Variants in STAM2 observed in about 807,000 individuals in gnomAD.
STAM2 encodes the protein signal transducing adapter molecule 2.
A neutral mutation model predicts 65.6 loss-of-function variants in STAM2; 51 were observed. The observed-to-expected ratio is 0.78, with a 90% CI of 0.62 to 0.98. The LOEUF (loss-of-function observed/expected upper bound fraction) is 0.98. Among genes scored for constraint, STAM2 ranks in the 50% least tolerant of loss-of-function variants. The pLI is 0.00. For synonymous variants in STAM2, 198 were observed against 208.4 expected, an observed-to-expected ratio of 0.95 and a Z score of 0.43; for missense variants, 584 against 617.8, an observed-to-expected ratio of 0.95 and a Z score of 0.58.
chr2:152,173,446 G>C (rs1249348797), intron 1 of STAM2, among the ~76,000 whole-genome samples: 2 of 149,160 alleles, frequency 1.3e-5, no homozygotes, highest in Non-Finnish European at 3.0e-5. Context: ...CGCCAGGCTG[G>C]AGGGCAGTGG....
chr2:152,134,574 T>C (rs529568240), intron 8 of STAM2, among the ~76,000 whole-genome samples: 1 of 152,304 alleles, frequency 6.6e-6, no homozygotes, highest in East Asian at 1.9e-4. Context: ...TCTCCTGAAC[T>C]GGCAAGGACT....
chr2:152,133,405 A>G lies in STAM2; in HGVS notation c.879T>C (p.Asp293=), dbSNP rs777736795. The part of the protein sequence containing the change: ...KKSEPEPVYI[D]EDKMDRALQV... ...TTAAACAAAAGAGGGACCCTACCTC[A>G]TCTATATAAACAGGCTCAGGCTCTG... The change falls in exon 9 of 14, where the codon GAT becomes GAC. Residue 293 remains aspartate (D), a synonymous_variant. Transcript: ENST00000263904. 5 of 1,610,964 alleles carry G rather than the reference A, an allele frequency of 3.1e-6. No homozygotes were observed. The highest frequency in any genetic ancestry group is 4.2e-6 in the Non-Finnish European group (5 of 1,178,162).
rs943882357 is a variant in STAM2 at position 152,118,269 on chromosome 2, C to T, written c.*2305G>A. 1 of 151,882 alleles carries T rather than the reference C, an allele frequency of 6.6e-6. No individual in the cohort carries two copies. Among genetic ancestry groups the T allele is most frequent in the Non-Finnish European group, 1.5e-5 (1 of 67,908 alleles). The allele number at this position is 151,882 out of a possible 1,614,324, so 9.4% of individuals were successfully genotyped here. A position where few individuals can be genotyped will look rare whatever the true frequency, so the allele number is the denominator to read the frequency against. ...ATAAGCCCATAAAAAGGGAAGTACA[C>T]AACCCTGTGTTTCTTAACACCGAAA... On this transcript the variant is annotated 3_prime_UTR_variant, in exon 14 of 14. Transcript: ENST00000263904.
intron 2 of STAM2, among the ~76,000 whole-genome samples, chr2:152,149,199 T>G (rs913340139): frequency 1.1e-4 from 16 of 152,306 alleles, no homozygotes; most frequent in African/African-American, 3.1e-4. Flanking sequence ...AAAGTTCCCA[T>G]ACATATAGAA....
intron 1 of STAM2, among the ~76,000 whole-genome samples, chr2:152,150,956 C>G (rs1026171906): frequency 6.6e-6 from 1 of 151,874 alleles, no homozygotes; most frequent in Admixed American, 6.6e-5. Context: ...TCCTCCTTGG[C>G]TCCCAAATGT....
chr2:152,163,627 A>G (rs997188398), intron 1 of STAM2, among the ~76,000 whole-genome samples: 1 of 152,208 alleles, frequency 6.6e-6, no homozygotes, highest in Non-Finnish European at 1.5e-5. Flanking sequence ...AAAAAGAGCC[A>G]TATTTTTCTT....
chr2:152,164,684 T>C (rs1689743959), intron 1 of STAM2, among the ~76,000 whole-genome samples: 2 of 152,144 alleles, frequency 1.3e-5, no homozygotes, highest in Non-Finnish European at 2.9e-5. Context: ...ACAATATATT[T>C]AAGAGCTGCT....
At chr2:152,131,995 T>C (rs1033783568) in intron 11 of STAM2, 119 bp downstream of exon 11, 1 of 652,086 alleles carries the variant, frequency 1.5e-6, no homozygotes, top group African/African-American at 1.9e-5. Flanking sequence ...CCTGGGAAAC[T>C]GAAAAACAAT....
chr2:152,161,208 G>A (rs2105562387), intron 1 of STAM2, among the ~76,000 whole-genome samples: 1 of 151,596 alleles, frequency 6.6e-6, no homozygotes, highest in Non-Finnish European at 1.5e-5. Context: ...CCCCAACCCT[G>A]TGCTCTCTGA....
At chr2:152,136,070 A>G (rs913290413) in intron 7 of STAM2, among the ~76,000 whole-genome samples, 2 of 150,490 alleles carry the variant, frequency 1.3e-5, no homozygotes, top group African/African-American at 4.9e-5. Context: ...AGCCTGGGTG[A>G]CACAGCAAGA....
intron 7 of STAM2, among the ~76,000 whole-genome samples, chr2:152,143,126 A>G (rs762976191): frequency 1.3e-5 from 2 of 152,180 alleles, no homozygotes; most frequent in Non-Finnish European, 2.9e-5. Flanking sequence ...TGATTACATA[A>G]CATTTTCTCA....
intron 2 of STAM2, among the ~76,000 whole-genome samples, chr2:152,149,576 C>T (rs2105550484): frequency 6.6e-6 from 1 of 150,436 alleles, no homozygotes; most frequent in African/African-American, 2.4e-5. Flanking sequence ...CGGCTCACTG[C>T]AAGCTCTGCC....
intron 1 of STAM2, among the ~76,000 whole-genome samples, chr2:152,169,277 T>G (rs1689856186): frequency 6.6e-6 from 1 of 152,088 alleles, no homozygotes. Flanking sequence ...TTTGGTTTCG[T>G]TTTTTTGTTT....
At chr2:152,151,904 T>C (rs946714251) in intron 1 of STAM2, among the ~76,000 whole-genome samples, 14 of 152,200 alleles carry the variant, frequency 9.2e-5, no homozygotes, top group African/African-American at 3.1e-4. Flanking sequence ...CATTTATTCA[T>C]TCACCAGTTC....
chr2:152,159,391 G>T (rs1689617258), intron 1 of STAM2, among the ~76,000 whole-genome samples: 1 of 151,974 alleles, frequency 6.6e-6, no homozygotes, highest in African/African-American at 2.4e-5. Context: ...GAATTAATTT[G>T]CATACATTGC....
At chr2:152,145,936 CA>C (rs1480647040) in intron 5 of STAM2, among the ~76,000 whole-genome samples, 1 of 152,086 alleles carries the variant, frequency 6.6e-6, no homozygotes, top group African/African-American at 2.4e-5. Flanking sequence ...ACTCTTATCT[CA>C]AAACGTTACC....
At chr2:152,168,287 A>C (rs941473599) in intron 1 of STAM2, among the ~76,000 whole-genome samples, 1 of 152,010 alleles carries the variant, frequency 6.6e-6, no homozygotes, top group African/African-American at 2.4e-5. Flanking sequence ...CAGCCTCCCG[A>C]GTAGCTGGGA....
chr2:152,126,343 G>A lies in STAM2; in HGVS notation c.1062C>T (p.Val354=), dbSNP rs751045492. 1 of 1,588,118 alleles carries A rather than the reference G, an allele frequency of 6.3e-7. No homozygotes were observed. Among genetic ancestry groups the A allele is most frequent in the Non-Finnish European group, 8.6e-7 (1 of 1,168,176 alleles). Residue 354 remains valine, a synonymous_variant, in exon 12 of 14, where the codon GTC becomes GTT. Coordinates refer to ENST00000263904, the MANE Select transcript of STAM2 (RefSeq NM_005843.6). ...TGTTATATAGTTCCAGAGCTTCCAG[G>A]ACTTTAACATTCAATTCAGACAATT... ...HSELSELNVK[V]LEALELYNKL...
At chr2:152,171,077 A>G (rs1043984936) in intron 1 of STAM2, among the ~76,000 whole-genome samples, 1 of 152,202 alleles carries the variant, frequency 6.6e-6, no homozygotes, top group Non-Finnish European at 1.5e-5. Flanking sequence ...ACATCCAAAC[A>G]ATATATAGTA....
Sources: gnomAD v4.1 joint callset for allele counts (sites outside exome capture counted in the v4.1 genomes callset) on GRCh38, gnomAD v4.1.1 for gene constraint, MANE v1.5 for transcripts, NCBI Gene and HGNC (gene_info 2026-07-23, HGNC 2026-07-21) for gene names.